Variants in PRKAG2 observed in about 807,000 individuals in gnomAD.
PRKAG2 encodes protein kinase AMP-activated non-catalytic subunit gamma 2.
PRKAG2 carries 26 observed loss-of-function variants against 69.6 expected under a neutral mutation model. That is an observed-to-expected ratio of 0.37 (90% CI 0.27 to 0.52). The LOEUF (loss-of-function observed/expected upper bound fraction) is 0.52. PRKAG2 is among the 20% of genes least tolerant of loss of function. The probability of loss-of-function intolerance (pLI) is 0.90; values close to 1 mark genes in which losing one functional copy is unlikely to be tolerated. For missense variants in PRKAG2, 557 were observed against 740.0 expected (o/e 0.75, Z 2.87); for synonymous variants, 293 against 285.0 (o/e 1.03, Z -0.28).
At chr7:151,802,432 T>A (rs1451655459) in intron 1 of PRKAG2, among the ~76,000 whole-genome samples, 1 of 152,118 alleles carries the variant, frequency 6.6e-6, no homozygotes, top group Non-Finnish European at 1.5e-5. Flanking sequence ...AGATCTGTTT[T>A]CAGACTAATC....
intron 1 of PRKAG2, among the ~76,000 whole-genome samples, chr7:151,868,084 G>C (rs1055782716): frequency 6.6e-6 from 1 of 152,206 alleles, no homozygotes; most frequent in Non-Finnish European, 1.5e-5. Flanking sequence ...CCAGGTCAGA[G>C]TATATCAAAA....
chr7:151,812,499 C>T (rs1283016536), intron 1 of PRKAG2, among the ~76,000 whole-genome samples: 1 of 152,204 alleles, frequency 6.6e-6, no homozygotes, highest in Non-Finnish European at 1.5e-5. Flanking sequence ...TTCCAGGGAC[C>T]CCTGGTTATC....
chr7:151,859,542 G>C (rs924837627), intron 1 of PRKAG2, among the ~76,000 whole-genome samples: 8 of 152,232 alleles, frequency 5.3e-5, no homozygotes, highest in African/African-American at 1.9e-4. Flanking sequence ...TTAGCGAATA[G>C]GGAAGACTTC....
intron 3 of PRKAG2, among the ~76,000 whole-genome samples, chr7:151,775,441 C>G (rs2076293673): frequency 6.6e-6 from 1 of 152,232 alleles, no homozygotes; most frequent in Non-Finnish European, 1.5e-5. Flanking sequence ...CCTTCCCTTC[C>G]TGAGTCCTGA....
intron 1 of PRKAG2, among the ~76,000 whole-genome samples, chr7:151,840,800 T>A (rs1485553766): frequency 6.6e-6 from 1 of 152,186 alleles, no homozygotes; most frequent in Non-Finnish European, 1.5e-5. Flanking sequence ...CCCACCCGAG[T>A]CTCAGGCTCC....
At chr7:151,789,536 G>A (rs993359638) in intron 1 of PRKAG2, among the ~76,000 whole-genome samples, 4 of 151,944 alleles carry the variant, frequency 2.6e-5, no homozygotes, top group African/African-American at 9.7e-5. Flanking sequence ...CCCCTGAAAG[G>A]GTGAGCCTCA....
intron 1 of PRKAG2, among the ~76,000 whole-genome samples, chr7:151,834,823 C>T (rs2079112059): frequency 6.6e-6 from 1 of 152,210 alleles, no homozygotes; most frequent in African/African-American, 2.4e-5. Flanking sequence ...CTCCCAGTTC[C>T]GGAGCCCGGA....
chr7:151,703,910 A>ACACACG (rs1563476684), intron 3 of PRKAG2, among the ~76,000 whole-genome samples: 6 of 135,070 alleles, frequency 4.4e-5, no homozygotes, highest in Non-Finnish European at 1.5e-5. Flanking sequence ...ACACACACAC[A>ACACACG]AATTAGCTAG....
At position 151,835,338 on chromosome 7, in the gene PRKAG2, T is replaced by G. The variant is rs1479237884; in HGVS notation, c.114+41169A>C. Among the ~76,000 whole-genome samples the G allele has an allele frequency of 3.3e-5, 5 of 151,926 alleles. No individual in the cohort carries two copies. The highest frequency in any genetic ancestry group is 5.9e-5 in the Non-Finnish European group (4 of 67,990). ...GGCTCAAGTGATCCTCCAGGTAATA[T>G]TTTTATTTTTTATTATTTTTATTAT... On this transcript the variant is annotated intron_variant, in intron 1 of 15. Transcript: ENST00000287878. This position sits in a 1 kb window ranked among gnomAD's most constrained non-coding sequence, Gnocchi z 4.1.
chr7:151,737,344 T>TGA (rs1554575517), intron 3 of PRKAG2, among the ~76,000 whole-genome samples: 12 of 143,200 alleles, frequency 8.4e-5, no homozygotes, highest in Non-Finnish European at 1.7e-4. Flanking sequence ...CCATCTCTAT[T>TGA]AAAAAAAAAA....
intron 4 of PRKAG2, among the ~76,000 whole-genome samples, chr7:151,654,222 C>T (rs1029914234): frequency 2.6e-5 from 4 of 152,118 alleles, no homozygotes; most frequent in Non-Finnish European, 2.9e-5. Flanking sequence ...TTCAAAGAAA[C>T]GTGTCTACAG....
intron 3 of PRKAG2, among the ~76,000 whole-genome samples, chr7:151,708,988 C>A (rs1839084917): frequency 6.6e-6 from 1 of 152,142 alleles, no homozygotes; most frequent in Non-Finnish European, 1.5e-5. Context: ...AGCAGAGGGG[C>A]CGGAAACCAT....
chr7:151,727,763 C>T (rs1294972072), intron 3 of PRKAG2, among the ~76,000 whole-genome samples: 2 of 152,170 alleles, frequency 1.3e-5, no homozygotes, highest in East Asian at 1.9e-4. Context: ...CCTGTATCCC[C>T]TGGGAGGCGC....
At position 151,733,936 on chromosome 7, in the gene PRKAG2, C is replaced by A. The variant is rs543576162; in HGVS notation, c.466+47216G>T. On this transcript the variant is annotated intron_variant, in intron 3 of 15. Transcript: ENST00000287878. ...TCTCGAACTCCTAGGCTCAAGCAGT[C>A]CTCCCACCTCAACCTCCCAAAGTGC... Among the ~76,000 whole-genome samples the A allele has an allele frequency of 2.6e-5, 4 of 152,218 alleles. No individual in the cohort carries two copies. The South Asian group carries it at 8.3e-4, about 32-fold the overall frequency.
At chr7:151,662,259 C>T (rs1454315783) in intron 4 of PRKAG2, among the ~76,000 whole-genome samples, 1 of 152,218 alleles carries the variant, frequency 6.6e-6, no homozygotes, top group South Asian at 2.1e-4. Flanking sequence ...TCTAAATCCA[C>T]GTCCGTGCCA....
chr7:151,780,539 T>C lies in PRKAG2; in HGVS notation c.466+613A>G, dbSNP rs904418667. ...CATATTATCATCGACGGCGCTCAAA[T>C]GAAAATACCTTATCCTCAGATCACA... On this transcript the variant is annotated intron_variant, in intron 3 of 15. Coordinates refer to ENST00000287878, the MANE Select transcript of PRKAG2 (RefSeq NM_016203.4). This position sits in a 1 kb window ranked among gnomAD's most constrained non-coding sequence, Gnocchi z 4.2. Among the ~76,000 whole-genome samples the C allele has an allele frequency of 3.3e-5, 5 of 152,212 alleles. No homozygotes were observed. Among genetic ancestry groups the C allele is most frequent in the Non-Finnish European group, 5.9e-5 (4 of 68,036 alleles).
intron 4 of PRKAG2, among the ~76,000 whole-genome samples, chr7:151,637,006 C>CT (rs1461430265): frequency 2.6e-5 from 4 of 152,144 alleles, no homozygotes; most frequent in Non-Finnish European, 4.4e-5. Flanking sequence ...CACCTGGCCT[C>CT]TCTACATTTA....
chr7:151,821,669 C>A (rs2078784659), intron 1 of PRKAG2, among the ~76,000 whole-genome samples: 1 of 152,172 alleles, frequency 6.6e-6, no homozygotes, highest in Non-Finnish European at 1.5e-5. Flanking sequence ...CTCTAAGACA[C>A]ATTGGATTCC....
chr7:151,723,927 G>GC (rs1224696240), intron 3 of PRKAG2, among the ~76,000 whole-genome samples: 1 of 152,192 alleles, frequency 6.6e-6, no homozygotes, highest in Non-Finnish European at 1.5e-5. Flanking sequence ...CATCTTGGGA[G>GC]CAAATCCTCC....
Sources: gnomAD v4.1 joint callset for allele counts (sites outside exome capture counted in the v4.1 genomes callset) on GRCh38, gnomAD v4.1.1 for gene constraint, Gnocchi (gnomAD v3.1) non-coding constraint, MANE v1.5 for transcripts, NCBI Gene and HGNC (gene_info 2026-07-23, HGNC 2026-07-21) for gene names.